LTBP1: variants seen among roughly 807,000 people sequenced by gnomAD.
LTBP1 encodes the protein latent-transforming growth factor beta-binding protein 1.
In LTBP1, 129 loss-of-function variants were observed where a neutral mutation model predicts 207.6. The ratio of observed to expected loss-of-function variants is 0.62; its 90% confidence interval spans 0.54 to 0.72. The LOEUF (loss-of-function observed/expected upper bound fraction) is 0.72. Ranked by LOEUF, LTBP1 falls within the 30% of genes least tolerant of loss-of-function variation. The pLI, the probability that LTBP1 is intolerant of heterozygous loss-of-function variation, is 0.00. For synonymous variants in LTBP1, 963 were observed against 833.7 expected (o/e 1.16, Z -2.67); for missense variants, 2,281 against 2,217.2 (o/e 1.03, Z -0.58).
At chr2:33,164,140 G>A (rs1379730450) in intron 5 of LTBP1, among the ~76,000 whole-genome samples, 2 of 151,666 alleles carry the variant, frequency 1.3e-5, no homozygotes, top group Non-Finnish European at 2.9e-5. Flanking sequence ...CACGAGTTCA[G>A]GAGTTCGAGA....
chr2:33,056,773 A>T (rs1353269498), intron 3 of LTBP1, among the ~76,000 whole-genome samples: 1 of 151,986 alleles, frequency 6.6e-6, no homozygotes, highest in African/African-American at 2.4e-5. Context: ...CAGCAGCAAG[A>T]TTTATTGCAA....
intron 32 of LTBP1, among the ~76,000 whole-genome samples, chr2:33,390,613 G>A (rs901037348): frequency 2.6e-5 from 4 of 151,928 alleles, no homozygotes; most frequent in South Asian, 2.1e-4. Flanking sequence ...CCAGTCTCCC[G>A]AGAAGCTGGG....
chr2:33,267,109 A>T (rs2093204044), intron 15 of LTBP1, among the ~76,000 whole-genome samples: 1 of 152,244 alleles, frequency 6.6e-6, no homozygotes. Context: ...CTGGCAGTAT[A>T]TCTGGTCCAG....
chr2:33,046,910 A>G (rs1384346023), intron 3 of LTBP1, among the ~76,000 whole-genome samples: 1 of 152,212 alleles, frequency 6.6e-6, no homozygotes, highest in Non-Finnish European at 1.5e-5. Context: ...AGGAAGTCAA[A>G]TAGTATTCTC....
In LTBP1 at chr2:33,280,124, A is replaced by G; in HGVS notation, c.3078A>G (p.Thr1026=). The G allele has an allele frequency of 6.2e-7, 1 of 1,614,186 alleles. No individual in the cohort carries two copies. Among genetic ancestry groups the G allele is most frequent in the Non-Finnish European group, 8.5e-7 (1 of 1,179,994 alleles). ...SPGSYQCVPC[T]EGFRGWNGQC... ...GATCTTACCAGTGCGTTCCCTGCAC[A>G]GAAGGATTCCGAGGCTGGAATGGAC... is the stretch of plus-strand genomic sequence containing the variant. The change falls in exon 19 of 34, where the codon ACA becomes ACG. Residue 1026 remains threonine (T), a synonymous_variant. Coordinates refer to ENST00000404816, the MANE Select transcript of LTBP1 (RefSeq NM_206943.4).
chr2:32,986,824 C>T (rs780473220), intron 2 of LTBP1, among the ~76,000 whole-genome samples: 2 of 152,202 alleles, frequency 1.3e-5, no homozygotes, highest in Non-Finnish European at 1.5e-5. Flanking sequence ...GTCTTTAGAT[C>T]TAATGATCTC....
chr2:33,154,296 A>G (rs2083775014), intron 5 of LTBP1, among the ~76,000 whole-genome samples: 1 of 152,196 alleles, frequency 6.6e-6, no homozygotes, highest in African/African-American at 2.4e-5. Context: ...TTTAGAAGGG[A>G]CAAGAGGACC....
chr2:33,189,281 C>T (rs2087571469), intron 7 of LTBP1, among the ~76,000 whole-genome samples: 1 of 152,160 alleles, frequency 6.6e-6, no homozygotes. Flanking sequence ...CTGCAACTTC[C>T]ACCTCCCAGC....
At chr2:33,243,088 C>T (rs1262270804) in intron 9 of LTBP1, among the ~76,000 whole-genome samples, 1 of 152,158 alleles carries the variant, frequency 6.6e-6, no homozygotes, top group African/African-American at 2.4e-5. Flanking sequence ...CCTTCCCTTC[C>T]TCGCCCATCC....
chr2:33,297,682 C>T (rs2093906696), intron 20 of LTBP1, among the ~76,000 whole-genome samples: 1 of 152,084 alleles, frequency 6.6e-6, no homozygotes, highest in Non-Finnish European at 1.5e-5. Context: ...CCTCGGCCTC[C>T]CAAAGTGCTG....
chr2:32,963,399 T>TG, intron 2 of LTBP1, among the ~76,000 whole-genome samples: 1 of 150,206 alleles, frequency 6.7e-6, no homozygotes, highest in African/African-American at 2.4e-5. Flanking sequence ...TTTGTAGAGG[T>TG]GAGGTCTCGC....
intron 4 of LTBP1, among the ~76,000 whole-genome samples, chr2:33,129,134 C>A (rs944986539): frequency 5.3e-5 from 8 of 152,174 alleles, no homozygotes; most frequent in African/African-American, 1.9e-4. Context: ...AAAAAAAGTA[C>A]AGTTGGTAAT....
intron 3 of LTBP1, among the ~76,000 whole-genome samples, chr2:33,063,818 T>C (rs576584724): frequency 4.2e-4 from 64 of 152,108 alleles, no homozygotes; most frequent in Non-Finnish European, 7.6e-4. Context: ...TTTCTGAAGA[T>C]GTTTTGTTAA....
intron 3 of LTBP1, 58 bp from the exon 4 acceptor site, chr2:33,110,524 T>C: frequency 1.3e-6 from 2 of 1,488,988 alleles, no homozygotes; most frequent in Non-Finnish European, 9.3e-7. Context: ...CTTTCCTTAT[T>C]AGCTGACTTT....
intron 2 of LTBP1, among the ~76,000 whole-genome samples, chr2:32,990,093 A>G (rs1380902937): frequency 2.0e-5 from 3 of 152,232 alleles, no homozygotes; most frequent in African/African-American, 7.2e-5. Flanking sequence ...TGACAGAGCA[A>G]GACCCAGTCT....
intron 2 of LTBP1, among the ~76,000 whole-genome samples, chr2:32,997,477 C>A (rs1320348121): frequency 6.6e-6 from 1 of 152,188 alleles, no homozygotes; most frequent in African/African-American, 2.4e-5. Flanking sequence ...CCGTTCCAGC[C>A]TGGCCAACAG....
At chr2:33,262,690 T>C (rs746368872) in intron 13 of LTBP1, 32 bp from the exon 14 acceptor site, 2 of 1,149,636 alleles carry the variant, frequency 1.7e-6, no homozygotes, top group Non-Finnish European at 2.5e-6. Flanking sequence ...TCTTTTTTTT[T>C]TCTTATTCTC....
chr2:33,329,210 G>A (rs1231154556), intron 24 of LTBP1, among the ~76,000 whole-genome samples: 2 of 152,162 alleles, frequency 1.3e-5, no homozygotes, highest in Non-Finnish European at 2.9e-5. Flanking sequence ...GCCATACTGA[G>A]TAAAGGTATC....
intron 19 of LTBP1, among the ~76,000 whole-genome samples, chr2:33,287,050 G>A (rs531415170): frequency 1.9e-4 from 29 of 152,266 alleles, no homozygotes; most frequent in African/African-American, 6.3e-4. Flanking sequence ...CCTGCACGTT[G>A]TGCACATGTA....
Sources: gnomAD v4.1 joint callset for allele counts (sites outside exome capture counted in the v4.1 genomes callset) on GRCh38, gnomAD v4.1.1 for gene constraint, MANE v1.5 for transcripts, NCBI Gene and HGNC (gene_info 2026-07-23, HGNC 2026-07-21) for gene names.